CTNNA3: variants seen among roughly 807,000 people sequenced by gnomAD.
The protein encoded by CTNNA3 is catenin alpha 3, also known as catenin alpha-3.
Under a neutral mutation model 95.7 loss-of-function variants are expected in CTNNA3, and 76 were observed. The ratio of observed to expected loss-of-function variants is 0.79; its 90% CI spans 0.66 to 0.96. The LOEUF is 0.96. Ranked by LOEUF, CTNNA3 falls within the 40% of genes least tolerant of loss-of-function variation. The pLI is 0.00. For missense variants in CTNNA3, 1,191 were observed against 1,089.8 expected (o/e 1.09, Z -1.31); for synonymous variants, 431 against 374.4 (o/e 1.15, Z -1.74).
intron 5 of CTNNA3, among the ~76,000 whole-genome samples, chr10:67,438,974 A>T (rs1402318725): frequency 1.3e-5 from 2 of 152,170 alleles, no homozygotes; most frequent in Non-Finnish European, 2.9e-5. Context: ...TAAGCTTTAA[A>T]GGCAGTCTAT....
chr10:66,011,566 G>A (rs2079005377), intron 15 of CTNNA3, among the ~76,000 whole-genome samples: 1 of 152,084 alleles, frequency 6.6e-6, no homozygotes, highest in South Asian at 2.1e-4. Flanking sequence ...TATAGGAATG[G>A]CAGAGATTAT....
intron 1 of CTNNA3, among the ~76,000 whole-genome samples, chr10:67,649,330 A>G (rs1003163731): frequency 1.1e-4 from 16 of 152,238 alleles, no homozygotes; most frequent in African/African-American, 3.6e-4. Flanking sequence ...GAAAGTAAGG[A>G]AGATAAAAAA....
chr10:67,395,663 G>C (rs760702271), intron 5 of CTNNA3, among the ~76,000 whole-genome samples: 1 of 152,086 alleles, frequency 6.6e-6, no homozygotes, highest in Non-Finnish European at 1.5e-5. Context: ...AAGCATAATG[G>C]AACAAATTTC....
chr10:67,688,766 A>G (rs1840785017), intron 1 of CTNNA3, among the ~76,000 whole-genome samples: 1 of 152,142 alleles, frequency 6.6e-6, no homozygotes, highest in African/African-American at 2.4e-5. Context: ...CCCCTCCCCA[A>G]GAACCCACAA....
At chr10:66,312,554 GT>G (rs36125139) in intron 12 of CTNNA3, among the ~76,000 whole-genome samples, 54,499 of 145,584 alleles carry the variant, frequency 0.37, 10,100 homozygotes, top group Admixed American at 0.47. Flanking sequence ...ATTGCAGATT[GT>G]TTTTTTTTTT....
At chr10:66,015,980 A>G (rs2079088949) in intron 15 of CTNNA3, among the ~76,000 whole-genome samples, 1 of 152,188 alleles carries the variant, frequency 6.6e-6, no homozygotes, top group Admixed American at 6.5e-5. Flanking sequence ...TTTCACTCAG[A>G]TCACGGGAAT....
intron 13 of CTNNA3, among the ~76,000 whole-genome samples, chr10:66,165,530 G>T (rs545756482): frequency 4.0e-4 from 61 of 151,966 alleles, no homozygotes; most frequent in African/African-American, 1.5e-3. Context: ...TATTTATATG[G>T]TGTTGGTTAG....
At chr10:67,286,634 CA>C (rs1839613530) in intron 5 of CTNNA3, among the ~76,000 whole-genome samples, 1 of 152,014 alleles carries the variant, frequency 6.6e-6, no homozygotes. Context: ...CCATTCTTAC[CA>C]AACTTAAAAT....
chr10:66,415,571 T>A lies in CTNNA3; in HGVS notation c.1532-36219A>T, dbSNP rs376762185. Reference sequence around the variant, plus strand: ...CTGAAGGAACAAAAATTGGCCCACCTGTATGACATTATGGGGCATATGAGC... The same window carrying A: ...CTGAAGGAACAAAAATTGGCCCACCAGTATGACATTATGGGGCATATGAGC... On this transcript the variant is annotated intron_variant, in intron 11 of 17. Transcript: ENST00000433211. Among the ~76,000 whole-genome samples, 30 of 152,220 alleles carry A rather than the reference T, an allele frequency of 2.0e-4. 1 individual carries two copies. In the East Asian group the frequency reaches 4.3e-3, roughly 22 times the overall value.
intron 13 of CTNNA3, among the ~76,000 whole-genome samples, chr10:66,216,617 T>G (rs1355683898): frequency 6.6e-6 from 1 of 152,226 alleles, no homozygotes. Flanking sequence ...AAGCAATGCA[T>G]CCACAGCTAC....
At chr10:66,343,742 A>C (rs577533011) in intron 12 of CTNNA3, among the ~76,000 whole-genome samples, 1 of 152,206 alleles carries the variant, frequency 6.6e-6, no homozygotes, top group Non-Finnish European at 1.5e-5. Flanking sequence ...CCCAACACAA[A>C]GAAACGATAA....
At chr10:67,757,794 G>A (rs553436619) in intron 1 of CTNNA3, among the ~76,000 whole-genome samples, 2 of 152,250 alleles carry the variant, frequency 1.3e-5, no homozygotes, top group East Asian at 1.9e-4. Context: ...ACAGCCTATC[G>A]TGGGACTTTA....
intron 11 of CTNNA3, among the ~76,000 whole-genome samples, chr10:66,437,203 T>A (rs1409150115): frequency 6.6e-6 from 1 of 152,140 alleles, no homozygotes; most frequent in African/African-American, 2.4e-5. Context: ...TTTGTGGTGT[T>A]CTCTGTATTT....
intron 17 of CTNNA3, among the ~76,000 whole-genome samples, chr10:65,932,107 A>G (rs1589142601): frequency 6.6e-6 from 1 of 152,302 alleles, no homozygotes; most frequent in East Asian, 1.9e-4. Context: ...GGTTAAGAAT[A>G]GGGACTCTGG....
At chr10:67,454,127 G>C (rs1220338780) in intron 5 of CTNNA3, among the ~76,000 whole-genome samples, 1 of 152,126 alleles carries the variant, frequency 6.6e-6, no homozygotes, top group Non-Finnish European at 1.5e-5. Context: ...CTATATTAGA[G>C]ATGAATACAT....
chr10:67,373,248 T>C (rs9703932), intron 5 of CTNNA3, among the ~76,000 whole-genome samples: 5,307 of 151,970 alleles, frequency 0.035, 284 homozygotes, highest in East Asian at 0.24. Flanking sequence ...TGCAGAGACA[T>C]GCATAGCTCA....
intron 7 of CTNNA3, chr10:66,928,169 A>G (rs776770846): frequency 1.2e-6 from 2 of 1,614,098 alleles, no homozygotes; most frequent in East Asian, 2.2e-5. Flanking sequence ...ATCTCTTTCC[A>G]TAAAATCATC....
intron 11 of CTNNA3, among the ~76,000 whole-genome samples, chr10:66,383,008 G>C (rs1464489098): frequency 6.6e-6 from 1 of 152,092 alleles, no homozygotes; most frequent in Non-Finnish European, 1.5e-5. Context: ...AGAAAAGATG[G>C]AAATTCTAAA....
chr10:66,453,293 T>G (rs2093476523), intron 11 of CTNNA3, among the ~76,000 whole-genome samples: 2 of 152,154 alleles, frequency 1.3e-5, no homozygotes, highest in Non-Finnish European at 2.9e-5. Flanking sequence ...TGGTCTCTTG[T>G]TTAGCTAGCT....
Sources: allele counts gnomAD v4.1 joint callset (sites outside exome capture counted in the v4.1 genomes callset), GRCh38; gene constraint gnomAD v4.1.1; transcripts MANE v1.5; gene names NCBI Gene and HGNC (gene_info 2026-07-23, HGNC 2026-07-21).